Variants in DNAH6 observed in about 807,000 individuals in gnomAD.
The protein encoded by DNAH6 is axonemal beta dynein heavy chain 6.
In DNAH6, 340 loss-of-function variants were observed where a neutral mutation model predicts 491.4. The observed-to-expected ratio is 0.69, with a 90% CI of 0.63 to 0.76. The LOEUF is 0.76. DNAH6 is among the 30% of genes least tolerant of loss of function. The probability of loss-of-function intolerance (pLI) is 0.00; values close to 1 mark genes in which losing one functional copy is unlikely to be tolerated. For missense variants in DNAH6, 4,443 were observed against 4,972.2 expected (o/e 0.89, Z 3.20); for synonymous variants, 1,603 against 1,686.1 (o/e 0.95, Z 1.21).
At chr2:84,814,168 G>C in intron 75 of DNAH6, 46 bp downstream of exon 75, 1 of 1,529,744 alleles carries the variant, frequency 6.5e-7, no homozygotes, top group Non-Finnish European at 8.8e-7. Flanking sequence ...CTATCCCACT[G>C]TCTTTGAAGA....
At chr2:84,641,314 C>A (rs189650445) in intron 32 of DNAH6, among the ~76,000 whole-genome samples, 4 of 152,282 alleles carry the variant, frequency 2.6e-5, no homozygotes, top group Admixed American at 2.0e-4. Flanking sequence ...CTGCACTTTC[C>A]TACCCTCTGT....
intron 33 of DNAH6, among the ~76,000 whole-genome samples, chr2:84,650,657 C>G (rs919362191): frequency 6.6e-6 from 1 of 152,092 alleles, no homozygotes; most frequent in African/African-American, 2.4e-5. Context: ...AAGGCTGAGG[C>G]GGGAAGACTG....
At chr2:84,531,014 C>A (rs1416450918) in intron 4 of DNAH6, among the ~76,000 whole-genome samples, 1 of 152,062 alleles carries the variant, frequency 6.6e-6, no homozygotes, top group Non-Finnish European at 1.5e-5. Flanking sequence ...TGGCTTTATA[C>A]ATTTTAGGAA....
At chr2:84,746,822 G>A (rs1177213719) in intron 63 of DNAH6, among the ~76,000 whole-genome samples, 2 of 152,174 alleles carry the variant, frequency 1.3e-5, no homozygotes, top group African/African-American at 4.8e-5. Flanking sequence ...TTGGCTTCTG[G>A]TGAGGCTTCA....
chr2:84,556,435 C>T (rs1359617347), intron 10 of DNAH6, among the ~76,000 whole-genome samples: 1 of 152,234 alleles, frequency 6.6e-6, no homozygotes, highest in Non-Finnish European at 1.5e-5. Flanking sequence ...TTGGGCCCCA[C>T]ACACAATGAC....
Position 84,670,186 on chromosome 2 carries a change from C to G in DNAH6, c.6307-142C>G, listed in dbSNP as rs930597573. The stretch of plus-strand genomic sequence containing the variant: ...TGAAAAATATAACTAAATGGAATCT[C>G]CAGTAAGAGAAAGCAGACATTTCAA... On this transcript the variant is annotated intron_variant, in intron 38 of 76. Coordinates refer to ENST00000389394, the MANE Select transcript of DNAH6 (RefSeq NM_001370.2). 2.8e-5 allele frequency: 17 copies of G among 596,920 alleles called. No individual in the cohort carries two copies. In the African/African-American group the frequency reaches 2.9e-4, roughly 10 times the overall value. The allele number at this position is 596,920 out of a possible 1,614,324, so 37.0% of individuals were successfully genotyped here.
intron 41 of DNAH6, among the ~76,000 whole-genome samples, chr2:84,677,355 G>T (rs1693341536): frequency 6.6e-6 from 1 of 152,180 alleles, no homozygotes; most frequent in Non-Finnish European, 1.5e-5. Flanking sequence ...TAGAAATGCA[G>T]AAAGATTGTG....
chr2:84,461,051 A>G, the DNAH6 span, among the ~76,000 whole-genome samples: 1 of 152,130 alleles, frequency 6.6e-6, no homozygotes, highest in Non-Finnish European at 1.5e-5. Flanking sequence ...GAACTCTCCA[A>G]ACCTCTGTGA....
the DNAH6 span, among the ~76,000 whole-genome samples, chr2:84,475,776 C>T: frequency 2.0e-5 from 3 of 152,206 alleles, no homozygotes; most frequent in Admixed American, 1.3e-4. Context: ...CGGCTTTATA[C>T]ACAGCCTCTT....
intron 67 of DNAH6, 91 bp downstream of exon 67, chr2:84,785,847 T>C: frequency 7.7e-7 from 1 of 1,291,284 alleles, no homozygotes; most frequent in Non-Finnish European, 1.0e-6. Context: ...ATAAATGTCA[T>C]TGTGAAATGC....
intron 29 of DNAH6, among the ~76,000 whole-genome samples, chr2:84,626,449 T>C (rs1450849470): frequency 6.6e-6 from 1 of 152,156 alleles, no homozygotes; most frequent in East Asian, 1.9e-4. Context: ...CAAAGATTGT[T>C]CATAGTGGAA....
Position 84,784,944 on chromosome 2 carries a change from T to G in DNAH6, c.10953+134T>G, listed in dbSNP as rs534764474. 33 of 637,634 alleles carry G rather than the reference T, an allele frequency of 5.2e-5. No homozygotes were observed. In the South Asian group the frequency reaches 6.5e-4, roughly 13 times the overall value. 39.5% of individuals were successfully genotyped at this position (637,634 alleles called of 1,614,324 possible). A position where few individuals can be genotyped will look rare whatever the true frequency, so the allele number is the denominator to read the frequency against. The stretch of plus-strand genomic sequence containing the variant: ...GGCCAGCATGGGGAGGTGAAGTCAG[T>G]ATCTTTTCACCTATAACAAGCAGAG... On this transcript the variant is annotated intron_variant, in intron 66 of 76. Transcript: ENST00000389394.
intron 30 of DNAH6, among the ~76,000 whole-genome samples, chr2:84,635,301 A>G (rs1688772034): frequency 1.3e-5 from 2 of 152,242 alleles, no homozygotes; most frequent in African/African-American, 4.8e-5. Context: ...TCATTATGGT[A>G]TGTGCTCACA....
chr2:84,773,304 G>A (rs1449184192), intron 64 of DNAH6, among the ~76,000 whole-genome samples: 2 of 152,010 alleles, frequency 1.3e-5, no homozygotes, highest in Non-Finnish European at 2.9e-5. Flanking sequence ...TTATAAATGA[G>A]AACATGGAGT....
At chr2:84,802,249 A>G (rs1678993115) in intron 70 of DNAH6, among the ~76,000 whole-genome samples, 1 of 152,262 alleles carries the variant, frequency 6.6e-6, no homozygotes, top group South Asian at 2.1e-4. Context: ...CATTCCACTT[A>G]AAAGATATAG....
chr2:84,625,235 G>A (rs1262258287), intron 29 of DNAH6, among the ~76,000 whole-genome samples, 172 bp downstream of exon 29: 2 of 152,058 alleles, frequency 1.3e-5, no homozygotes, highest in African/African-American at 4.8e-5. Flanking sequence ...GAGTCAACAC[G>A]TGGTGGTCTG....
Position 84,637,633 on chromosome 2 carries a change from A to G in DNAH6, c.4821+256A>G, listed in dbSNP as rs568968414. Among the ~76,000 whole-genome samples the G allele has an allele frequency of 6.3e-4, 96 of 152,156 alleles. 1 individual carries two copies. The highest frequency in any genetic ancestry group is 1.1e-3 in the Non-Finnish European group (75 of 68,024). On this transcript the variant is annotated intron_variant, in intron 31 of 76. Coordinates refer to ENST00000389394, the MANE Select transcript of DNAH6 (RefSeq NM_001370.2). ...CTGGAAAGAATCAATGAGTTAATTA[A>G]CCAGTTCATTGGGGTTTTTCAGTTC...
At chr2:84,685,729 C>T (rs1694199221) in intron 43 of DNAH6, among the ~76,000 whole-genome samples, 1 of 151,752 alleles carries the variant, frequency 6.6e-6, no homozygotes, top group Non-Finnish European at 1.5e-5. Flanking sequence ...GTACTTGGAT[C>T]CCTTGGGCTC....
At chr2:84,571,956 A>G (rs1319646588) in intron 11 of DNAH6, among the ~76,000 whole-genome samples, 2 of 152,020 alleles carry the variant, frequency 1.3e-5, no homozygotes, top group Admixed American at 6.6e-5. Flanking sequence ...AAAAAGATGA[A>G]AAGATGCAAT....
Sources: gnomAD v4.1 joint callset for allele counts (sites outside exome capture counted in the v4.1 genomes callset) on GRCh38, gnomAD v4.1.1 for gene constraint, MANE v1.5 for transcripts, NCBI Gene and HGNC (gene_info 2026-07-23, HGNC 2026-07-21) for gene names.